RNF152: variants seen among roughly 807,000 people sequenced by gnomAD.
RNF152 encodes the protein ring finger protein 152.
Under a neutral mutation model 12.7 loss-of-function variants are expected in RNF152, and 11 were observed. That is an observed-to-expected ratio of 0.86 (90% CI 0.54 to 1.43). RNF152 has a LOEUF of 1.43. Among genes scored for constraint, RNF152 ranks in the 40% most tolerant of loss-of-function variants. The pLI is 0.00. For missense variants in RNF152, 255 were observed against 274.8 expected (o/e 0.93, Z 0.51); for synonymous variants, 113 against 120.3 (o/e 0.94, Z 0.40).
chr18:61,841,575 T>A (rs4445995), intron 1 of RNF152, among the ~76,000 whole-genome samples: 58,127 of 152,092 alleles, frequency 0.38, 12,318 homozygotes, highest in Non-Finnish European at 0.49. Flanking sequence ...TAGGGATTCT[T>A]AACTTTGGGG....
At chr18:61,874,238 C>T (rs1912119553) in intron 1 of RNF152, among the ~76,000 whole-genome samples, 1 of 152,216 alleles carries the variant, frequency 6.6e-6, no homozygotes, top group South Asian at 2.1e-4. Flanking sequence ...CGCAGTTTAA[C>T]AGCGCATGAA....
At chr18:61,889,976 C>T (rs145167708) in intron 1 of RNF152, among the ~76,000 whole-genome samples, 22 of 152,326 alleles carry the variant, frequency 1.4e-4, no homozygotes, top group African/African-American at 5.3e-4. Flanking sequence ...AGTAAACATG[C>T]ACTTGAAATA....
At chr18:61,847,876 C>T (rs1238794325) in intron 1 of RNF152, among the ~76,000 whole-genome samples, 1 of 152,100 alleles carries the variant, frequency 6.6e-6, no homozygotes, top group African/African-American at 2.4e-5. Flanking sequence ...TTTTCACCTC[C>T]TTCAAGTCTG....
At chr18:61,845,162 T>G (rs947329016) in intron 1 of RNF152, among the ~76,000 whole-genome samples, 42 of 152,200 alleles carry the variant, frequency 2.8e-4, no homozygotes, top group African/African-American at 9.9e-4. Flanking sequence ...CATAGCTCAT[T>G]GCAGCCTTAA....
At chr18:61,820,824 G>C (rs1909367605) in intron 1 of RNF152, among the ~76,000 whole-genome samples, 1 of 152,142 alleles carries the variant, frequency 6.6e-6, no homozygotes, top group Non-Finnish European at 1.5e-5. Flanking sequence ...CTGGAGGTTT[G>C]GGACTCAAAG....
At position 61,810,134 on chromosome 18, in the gene RNF152, A is replaced by T. The variant is rs1368571674; in HGVS notation, c.*5718T>A. On this transcript the variant is annotated 3_prime_UTR_variant, in exon 2 of 2. Coordinates refer to ENST00000312828, the MANE Select transcript of RNF152 (RefSeq NM_173557.3). ...TATATAGACACTCCCAAAGGTAGTTAGTTTGACATAATGTATGCAGCCCAT... is the reference window on the plus strand; with the variant it reads ...TATATAGACACTCCCAAAGGTAGTTTGTTTGACATAATGTATGCAGCCCAT... 1.3e-5 allele frequency: 2 copies of T among 152,250 alleles called. No individual in the cohort carries two copies. Among genetic ancestry groups the T allele is most frequent in the Non-Finnish European group, 2.9e-5 (2 of 68,042 alleles). 9.4% of individuals were successfully genotyped at this position (152,250 alleles called of 1,614,324 possible). A position where few individuals can be genotyped will look rare whatever the true frequency, so the allele number is the denominator to read the frequency against.
rs556738589 is a variant in RNF152 at position 61,862,319 on chromosome 18, A to G, written c.-136+30476T>C. On this transcript the variant is annotated intron_variant, in intron 1 of 1. Coordinates refer to ENST00000312828, the MANE Select transcript of RNF152 (RefSeq NM_173557.3). The stretch of plus-strand genomic sequence containing the variant: ...GGAGGCGGCAAAAATTCTCATTCCC[A>G]TTTCACACACGAGGAAACTAAGGCT... Among the ~76,000 whole-genome samples the G allele has an allele frequency of 1.1e-4, 17 of 152,270 alleles. No individual in the cohort carries two copies. The South Asian group carries it at 2.1e-3, about 19-fold the overall frequency.
intron 1 of RNF152, among the ~76,000 whole-genome samples, chr18:61,852,212 T>A (rs1448549311): frequency 6.6e-6 from 1 of 152,176 alleles, no homozygotes; most frequent in Non-Finnish European, 1.5e-5. Flanking sequence ...CATAAGGACA[T>A]AAGACAGAAG....
Position 61,874,988 on chromosome 18 carries a change from A to G in RNF152, c.-136+17807T>C, listed in dbSNP as rs572718964. On this transcript the variant is annotated intron_variant, in intron 1 of 1. Coordinates refer to ENST00000312828, the MANE Select transcript of RNF152 (RefSeq NM_173557.3). ...GCCCAGCCCTCAAAGACCCACCTGC[A>G]TCACCGGCCAGCACCTGGCCATCCC... 3 of 152,376 alleles carry G rather than the reference A, an allele frequency of 2.0e-5. No individual in the cohort carries two copies. The South Asian group carries it at 6.2e-4, about 32-fold the overall frequency. The allele number at this position is 152,376 out of a possible 1,614,324, so 9.4% of individuals were successfully genotyped here.
intron 1 of RNF152, among the ~76,000 whole-genome samples, chr18:61,821,337 T>G (rs1909398457): frequency 6.6e-6 from 1 of 152,232 alleles, no homozygotes; most frequent in Admixed American, 6.5e-5. Flanking sequence ...GACAGCAGCC[T>G]CTCTGATTTA....
chr18:61,827,920 C>T (rs1334255814), intron 1 of RNF152, among the ~76,000 whole-genome samples: 8 of 152,188 alleles, frequency 5.3e-5, no homozygotes, highest in South Asian at 2.1e-4. Context: ...TATGGAACAG[C>T]GGTGCAACCC....
At chr18:61,867,757 A>G (rs1911805987) in intron 1 of RNF152, among the ~76,000 whole-genome samples, 1 of 152,186 alleles carries the variant, frequency 6.6e-6, no homozygotes, top group Non-Finnish European at 1.5e-5. Flanking sequence ...CCAGCAATGC[A>G]GCAGGAAAAA....
At chr18:61,856,584 G>A (rs919042494) in intron 1 of RNF152, among the ~76,000 whole-genome samples, 1 of 152,134 alleles carries the variant, frequency 6.6e-6, no homozygotes, top group East Asian at 1.9e-4. Flanking sequence ...GCTATTCCTG[G>A]GAGTTGATAA....
At chr18:61,868,055 G>C (rs1362554404) in intron 1 of RNF152, among the ~76,000 whole-genome samples, 1 of 152,144 alleles carries the variant, frequency 6.6e-6, no homozygotes, top group Non-Finnish European at 1.5e-5. Flanking sequence ...TCCTCACTTA[G>C]AAAGCTGTCT....
At chr18:61,818,451 A>T (rs571813287) in intron 1 of RNF152, among the ~76,000 whole-genome samples, 1 of 152,126 alleles carries the variant, frequency 6.6e-6, no homozygotes, top group South Asian at 2.1e-4. Flanking sequence ...AAAACAAAAA[A>T]CAAGAAAAAG....
At chr18:61,880,769 C>A (rs1912427047) in intron 1 of RNF152, among the ~76,000 whole-genome samples, 1 of 152,204 alleles carries the variant, frequency 6.6e-6, no homozygotes, top group South Asian at 2.1e-4. Context: ...ATGAAGCCAA[C>A]ACCACCATAT....
In RNF152 at chr18:61,816,154, G is replaced by A; in HGVS notation, c.310C>T (p.Leu104=). Residue 104 remains leucine, a synonymous_variant, in exon 2 of 2, where the codon CTG becomes TTG. Transcript: ENST00000312828. ...AGCGCACGCTCCTTGGAGATGGGCA[G>A]GGGCAGCATGTAGCACCCATTGCTG... is the stretch of plus-strand genomic sequence containing the variant. The part of the protein sequence containing the change: ...LPSNGCYMLP[L]PISKERALLP... 1.9e-6 allele frequency: 3 copies of A among 1,614,226 alleles called. No homozygotes were observed. The highest frequency in any genetic ancestry group is 1.3e-5 in the African/African-American group (1 of 75,074).
At chr18:61,845,057 G>C (rs1397950956) in intron 1 of RNF152, among the ~76,000 whole-genome samples, 3 of 152,132 alleles carry the variant, frequency 2.0e-5, no homozygotes, top group African/African-American at 7.2e-5. Flanking sequence ...GCTGAGTTGA[G>C]ATGATTTTAT....
At chr18:61,859,766 C>G (rs1911379980) in intron 1 of RNF152, among the ~76,000 whole-genome samples, 1 of 152,070 alleles carries the variant, frequency 6.6e-6, no homozygotes, top group Non-Finnish European at 1.5e-5. Context: ...GTAATCCCAG[C>G]TACTTAGGAG....
Sources: allele counts gnomAD v4.1 joint callset (sites outside exome capture counted in the v4.1 genomes callset), GRCh38; gene constraint gnomAD v4.1.1; transcripts MANE v1.5; gene names NCBI Gene and HGNC (gene_info 2026-07-23, HGNC 2026-07-21).